The following KAT6B variants were observed in gnomAD, a reference collection of about 807,000 sequenced individuals.
KAT6B encodes lysine acetyltransferase 6B.
KAT6B carries 10 observed loss-of-function variants against 187.5 expected under a neutral mutation model. The ratio of observed to expected loss-of-function variants is 0.05; its 90% CI spans 0.03 to 0.09. The LOEUF is 0.09. Among genes scored for constraint, KAT6B ranks in the 10% least tolerant of loss-of-function variants. The pLI, the probability that KAT6B is intolerant of heterozygous loss-of-function variation, is 1.00. For synonymous variants in KAT6B, 861 were observed against 926.8 expected (o/e 0.93, Z 1.29); for missense variants, 1,952 against 2,558.9 (o/e 0.76, Z 5.12).
At chr10:74,864,321 C>T (rs533450835) in intron 3 of KAT6B, among the ~76,000 whole-genome samples, 42 of 152,034 alleles carry the variant, frequency 2.8e-4, no homozygotes, top group Non-Finnish European at 5.4e-4. Context: ...CTCACTGCAA[C>T]GCTCCATCTC....
intron 3 of KAT6B, among the ~76,000 whole-genome samples, chr10:74,908,885 A>G (rs1564556715): frequency 1.3e-5 from 2 of 152,238 alleles, no homozygotes; most frequent in South Asian, 2.1e-4. Flanking sequence ...GCAAGCCCAC[A>G]TGCTGCCTTG....
chr10:74,956,812 T>G (rs573788041), intron 3 of KAT6B, among the ~76,000 whole-genome samples: 2 of 152,212 alleles, frequency 1.3e-5, no homozygotes, highest in Non-Finnish European at 2.9e-5. Context: ...GACAAGGAGA[T>G]CCTTCCAGAG....
intron 3 of KAT6B, among the ~76,000 whole-genome samples, chr10:74,890,088 G>A (rs1421074074): frequency 1.3e-5 from 2 of 151,750 alleles, no homozygotes; most frequent in Admixed American, 1.3e-4. Context: ...ACCCAGGCTG[G>A]AGTGCAGTGG....
intron 10 of KAT6B, 46 bp from the exon 11 acceptor site, chr10:74,981,741 C>G: frequency 7.8e-7 from 1 of 1,288,118 alleles, no homozygotes; most frequent in Non-Finnish European, 1.1e-6. Flanking sequence ...TTCCCCCCAA[C>G]AGTATAATCT....
chr10:74,980,868 G>A (rs760597020), intron 10 of KAT6B, among the ~76,000 whole-genome samples: 6 of 152,174 alleles, frequency 3.9e-5, no homozygotes, highest in Admixed American at 2.0e-4. Flanking sequence ...ATTTTCAGCC[G>A]TGCTATTTAC....
At chr10:74,830,960 T>C (rs1204995107) in intron 1 of KAT6B, among the ~76,000 whole-genome samples, 2 of 150,802 alleles carry the variant, frequency 1.3e-5, no homozygotes, top group African/African-American at 4.9e-5. Context: ...GCTAATTTTT[T>C]GTATTTTTAG....
intron 3 of KAT6B, among the ~76,000 whole-genome samples, chr10:74,907,086 T>G (rs763461272): frequency 5.3e-5 from 8 of 152,372 alleles, no homozygotes; most frequent in Middle Eastern, 3.4e-3. Flanking sequence ...ATTTAAGTTC[T>G]GCAGCGGGTG....
intron 13 of KAT6B, among the ~76,000 whole-genome samples, chr10:75,019,660 A>G (rs997436366): frequency 6.6e-6 from 1 of 152,180 alleles, no homozygotes; most frequent in Non-Finnish European, 1.5e-5. Flanking sequence ...GGTAGACATC[A>G]TTAGCTTATA....
Position 74,831,033 on chromosome 10 carries a change from C to T in KAT6B, c.-329+4248C>T, listed in dbSNP as rs374690386. 9.2e-4 allele frequency among the ~76,000 whole-genome samples: 140 copies of T among 151,922 alleles called. 1 individual carries two copies. The Middle Eastern group carries it at 0.014, about 15-fold the overall frequency. On this transcript the variant is annotated intron_variant, in intron 1 of 17. Coordinates refer to ENST00000287239, the MANE Select transcript of KAT6B (RefSeq NM_012330.4). ...CAAACTCCTGATCTCAGTTGACCCG[C>T]CCGTCTTGGCCTCCCAAAGTGCTGG...
At chr10:74,921,293 T>C (rs1848102429) in intron 3 of KAT6B, among the ~76,000 whole-genome samples, 2 of 152,094 alleles carry the variant, frequency 1.3e-5, no homozygotes, top group Admixed American at 1.3e-4. Context: ...TTTGTATTTT[T>C]AGTAGAGACA....
chr10:74,992,418 C>T (rs1270533250), intron 13 of KAT6B, among the ~76,000 whole-genome samples: 1 of 152,174 alleles, frequency 6.6e-6, no homozygotes, highest in Non-Finnish European at 1.5e-5. Flanking sequence ...CATAGCTTAG[C>T]CTGGACTTTA....
intron 3 of KAT6B, among the ~76,000 whole-genome samples, chr10:74,947,135 T>C (rs918754026): frequency 2.0e-5 from 3 of 152,134 alleles, no homozygotes; most frequent in Admixed American, 2.0e-4. Flanking sequence ...TAGCTGGGAT[T>C]ACAGCCGTGT....
intron 13 of KAT6B, among the ~76,000 whole-genome samples, chr10:75,011,653 G>A (rs1297799138): frequency 6.6e-6 from 1 of 152,146 alleles, no homozygotes; most frequent in Non-Finnish European, 1.5e-5. Context: ...TGTGGCAGGT[G>A]CCTCATTTTC....
At chr10:74,936,383 A>G (rs1350175137) in intron 3 of KAT6B, among the ~76,000 whole-genome samples, 6 of 151,692 alleles carry the variant, frequency 4.0e-5, no homozygotes, top group Non-Finnish European at 2.9e-5. Flanking sequence ...AGCCTGGCAG[A>G]CAGAGTAAGA....
chr10:74,845,404 C>T (rs1265881152), intron 3 of KAT6B, among the ~76,000 whole-genome samples: 1 of 151,508 alleles, frequency 6.6e-6, no homozygotes, highest in Admixed American at 6.6e-5. Flanking sequence ...CACCTGTAGT[C>T]CCAGCTATTT....
At chr10:74,987,070 A>G (rs370128293) in intron 12 of KAT6B, among the ~76,000 whole-genome samples, 3 of 152,278 alleles carry the variant, frequency 2.0e-5, no homozygotes. Flanking sequence ...GTTATTTCCT[A>G]CTATTCTGGA....
rs770745912 is a variant in KAT6B, at chr10:75,013,021, G to A, written c.2630-7561G>A. On this transcript the variant is annotated intron_variant, in intron 13 of 17. Coordinates refer to ENST00000287239, the MANE Select transcript of KAT6B (RefSeq NM_012330.4). The stretch of plus-strand genomic sequence containing the variant: ...TCCCAGAGAAGAGAGATCTAAGAGT[G>A]GGGCTTAGAGTAACAGGCTGGTATG... Among the ~76,000 whole-genome samples the A allele has an allele frequency of 1.1e-4, 16 of 152,090 alleles. 1 individual carries two copies. The highest frequency in any genetic ancestry group is 6.2e-4 in the South Asian group (3 of 4,824).
chr10:74,956,379 A>G (rs1459069609), intron 3 of KAT6B, among the ~76,000 whole-genome samples: 3 of 152,144 alleles, frequency 2.0e-5, no homozygotes, highest in Non-Finnish European at 4.4e-5. Flanking sequence ...CTCCATTGTA[A>G]AGGTACCTTT....
chr10:75,028,387 A>G (rs1048848803), intron 17 of KAT6B, 102 bp from the exon 18 acceptor site: 9 of 1,543,608 alleles, frequency 5.8e-6, no homozygotes, highest in Admixed American at 1.7e-5. Context: ...CCAAATTGAA[A>G]GCAGTGTTTG....
Sources: gnomAD v4.1 joint callset for allele counts (sites outside exome capture counted in the v4.1 genomes callset) on GRCh38, gnomAD v4.1.1 for gene constraint, MANE v1.5 for transcripts, NCBI Gene and HGNC (gene_info 2026-07-23, HGNC 2026-07-21) for gene names.